The following PAX3 variants were observed in gnomAD, a reference collection of about 807,000 sequenced individuals.
PAX3 encodes paired box protein Pax-3.
Under a neutral mutation model 51.6 loss-of-function variants are expected in PAX3, and 14 were observed. That is an observed-to-expected ratio of 0.27 (90% CI 0.18 to 0.42). The LOEUF (loss-of-function observed/expected upper bound fraction) is 0.42. Among genes scored for constraint, PAX3 ranks in the 10% least tolerant of loss-of-function variants. PAX3 has a pLI of 1.00. For synonymous variants in PAX3, 280 were observed against 253.4 expected, an observed-to-expected ratio of 1.11 and a Z score of -1.00; for missense variants, 540 against 642.8, an observed-to-expected ratio of 0.84 and a Z score of 1.73.
At position 222,298,336 on chromosome 2, in the gene PAX3, CA is replaced by C. The variant is rs1695416959; in HGVS notation, c.85+194del. On this transcript the variant is annotated intron_variant, in intron 1 of 8. Coordinates refer to ENST00000392070, the MANE Select transcript of PAX3 (RefSeq NM_181458.4). Reference sequence around the variant, plus strand: ...GACCGCCCAGCTCCGCCAGGATTTGCAGAGAGCAGCGCGCTCCATTTGCAGA... The same window carrying C: ...GACCGCCCAGCTCCGCCAGGATTTGCGAGAGCAGCGCGCTCCATTTGCAGA... 12 of 599,926 alleles carry C rather than the reference CA, an allele frequency of 2.0e-5. No homozygotes were observed. In the South Asian group the frequency reaches 2.4e-4, roughly 12 times the overall value. 37.2% of individuals were successfully genotyped at this position (599,926 alleles called of 1,614,324 possible). A position where few individuals can be genotyped will look rare whatever the true frequency, so the allele number is the denominator to read the frequency against.
intron 7 of PAX3, among the ~76,000 whole-genome samples, chr2:222,207,592 T>G (rs919176160): frequency 6.6e-6 from 1 of 152,230 alleles, no homozygotes; most frequent in Admixed American, 6.6e-5. Context: ...ATGTTTTCAT[T>G]GTAAAGAGTA....
At chr2:222,215,808 A>T (rs1201933636) in intron 7 of PAX3, among the ~76,000 whole-genome samples, 1 of 152,154 alleles carries the variant, frequency 6.6e-6, no homozygotes, top group Non-Finnish European at 1.5e-5. Context: ...TTTTCCTCAC[A>T]TCAACAGAAC....
At chr2:222,225,670 T>C (rs1288763458) in intron 5 of PAX3, among the ~76,000 whole-genome samples, 1 of 152,196 alleles carries the variant, frequency 6.6e-6, no homozygotes, top group Non-Finnish European at 1.5e-5. Flanking sequence ...TGTTTTCCCA[T>C]GTGCTAAACG....
intron 4 of PAX3, among the ~76,000 whole-genome samples, chr2:222,235,651 T>C (rs1692772447): frequency 6.6e-6 from 1 of 152,142 alleles, no homozygotes; most frequent in Non-Finnish European, 1.5e-5. Context: ...CAAACAGGAA[T>C]GCAGGTATCC....
intron 4 of PAX3, among the ~76,000 whole-genome samples, chr2:222,253,546 C>G (rs554186479): frequency 1.3e-5 from 2 of 152,072 alleles, no homozygotes; most frequent in Non-Finnish European, 2.9e-5. Flanking sequence ...TAGGACACAA[C>G]CTACAACATA....
At chr2:222,219,296 T>C (rs1359665130) in intron 7 of PAX3, among the ~76,000 whole-genome samples, 1 of 152,100 alleles carries the variant, frequency 6.6e-6, no homozygotes, top group African/African-American at 2.4e-5. Flanking sequence ...AGATTCTCGA[T>C]TGCAATTATA....
chr2:222,251,690 C>T (rs1286185640), intron 4 of PAX3, among the ~76,000 whole-genome samples: 1 of 152,204 alleles, frequency 6.6e-6, no homozygotes, highest in Non-Finnish European at 1.5e-5. Flanking sequence ...GCCACACTGA[C>T]TTCCACAATG....
rs145580945 is a variant in PAX3, at chr2:222,216,833, A to G, written c.1173+3307T>C. On this transcript the variant is annotated intron_variant, in intron 7 of 8. Transcript: ENST00000392070. ...TCATTCACACATACTCTAGCTCACA[A>G]TTTCCAAGTGTGGATGGCAAACAAT... Among the ~76,000 whole-genome samples the G allele has an allele frequency of 1.6e-4, 25 of 152,304 alleles. No individual in the cohort carries two copies. The East Asian group carries it at 4.2e-3, about 26-fold the overall frequency.
chr2:222,274,296 T>A (rs1694346281), intron 4 of PAX3, among the ~76,000 whole-genome samples: 1 of 152,088 alleles, frequency 6.6e-6, no homozygotes, highest in Non-Finnish European at 1.5e-5. Flanking sequence ...AGTTTCATTT[T>A]AGCATTTGTT....
At chr2:222,218,105 A>G (rs2106067471) in intron 7 of PAX3, among the ~76,000 whole-genome samples, 1 of 152,308 alleles carries the variant, frequency 6.6e-6, no homozygotes, top group African/African-American at 2.4e-5. Context: ...AGAAATGCAA[A>G]ATACCCTGCA....
intron 7 of PAX3, among the ~76,000 whole-genome samples, chr2:222,212,738 A>AT (rs1691792560): frequency 6.6e-6 from 1 of 152,202 alleles, no homozygotes; most frequent in African/African-American, 2.4e-5. Flanking sequence ...TTGAATAAAT[A>AT]TGCAAGTATT....
intron 8 of PAX3, chr2:222,201,673 A>G: frequency 7.1e-7 from 1 of 1,405,456 alleles, no homozygotes; most frequent in Non-Finnish European, 9.4e-7. Flanking sequence ...GTCAGGGATT[A>G]TTTCATTTTG....
chr2:222,266,217 A>C (rs923244482), intron 4 of PAX3, among the ~76,000 whole-genome samples: 2 of 152,168 alleles, frequency 1.3e-5, no homozygotes, highest in African/African-American at 4.8e-5. Flanking sequence ...GCACTCAACA[A>C]ACCCTCAGCA....
chr2:222,203,291 G>C (rs1487857611), intron 7 of PAX3, among the ~76,000 whole-genome samples: 5 of 151,702 alleles, frequency 3.3e-5, no homozygotes, highest in African/African-American at 4.8e-5. Context: ...CCACACGAGA[G>C]AGGAAGCGAT....
At chr2:222,268,637 G>A (rs754389061) in intron 4 of PAX3, among the ~76,000 whole-genome samples, 5 of 152,124 alleles carry the variant, frequency 3.3e-5, no homozygotes, top group South Asian at 2.1e-4. Flanking sequence ...GGGTTGGGGG[G>A]CAGAGGGGAG....
chr2:222,279,059 T>C (rs1167924537), intron 4 of PAX3, among the ~76,000 whole-genome samples: 2 of 152,212 alleles, frequency 1.3e-5, no homozygotes. Context: ...CAAACAATTC[T>C]CCTGCCTCAG....
intron 4 of PAX3, among the ~76,000 whole-genome samples, chr2:222,239,774 C>G (rs201477383): frequency 6.6e-6 from 1 of 150,648 alleles, no homozygotes; most frequent in Non-Finnish European, 1.5e-5. Flanking sequence ...TTTATTCCCT[C>G]TATGATTTCT....
chr2:222,265,382 T>C (rs1694006641), intron 4 of PAX3, among the ~76,000 whole-genome samples: 1 of 152,152 alleles, frequency 6.6e-6, no homozygotes, highest in African/African-American at 2.4e-5. Context: ...AGATTTTTCT[T>C]CTCAGCCAGG....
At chr2:222,221,529 T>C in intron 5 of PAX3, 142 bp from the exon 6 acceptor site, 4 of 793,328 alleles carry the variant, frequency 5.0e-6, no homozygotes, top group Non-Finnish European at 8.5e-6. Flanking sequence ...CTGTGTTGTT[T>C]GGGCGAATTG....
Sources: allele counts gnomAD v4.1 joint callset (sites outside exome capture counted in the v4.1 genomes callset), GRCh38; gene constraint gnomAD v4.1.1; transcripts MANE v1.5; gene names NCBI Gene and HGNC (gene_info 2026-07-23, HGNC 2026-07-21).